MAGI1: variants seen among roughly 807,000 people sequenced by gnomAD.
The protein encoded by MAGI1 is membrane associated guanylate kinase, WW and PDZ domain containing 1.
In MAGI1, 58 loss-of-function variants were observed where a neutral mutation model predicts 139.9. The ratio of observed to expected loss-of-function variants is 0.41; its 90% CI spans 0.34 to 0.52. The LOEUF (loss-of-function observed/expected upper bound fraction) is 0.52. Among genes scored for constraint, MAGI1 ranks in the 20% least tolerant of loss-of-function variants. MAGI1 has a pLI of 0.12. For synonymous variants in MAGI1, 812 were observed against 737.9 expected (o/e 1.10, Z -1.63); for missense variants, 1,874 against 1,901.6 (o/e 0.99, Z 0.27).
In MAGI1 at chr3:65,470,445, G is replaced by C; in HGVS notation, c.797C>G (p.Thr266Arg). Residue 266 changes from threonine to arginine, a missense_variant, in exon 5 of 23, where the codon ACA becomes AGA. Transcript: ENST00000402939. The stretch of plus-strand genomic sequence containing the variant: ...GCTACTATTCACAGGTGGTAATGCT[G>C]TTTCTTGGAGAGTGTGCTCCTCTTG... ...GEQEEHTLQE[T>R]ALPPVNSSII... is the part of the protein sequence containing the mutation. 6.2e-7 allele frequency: 1 copy of C among 1,612,800 alleles called. No individual in the cohort carries two copies. Among genetic ancestry groups the C allele is most frequent in the Non-Finnish European group, 8.5e-7 (1 of 1,179,754 alleles).
Position 65,696,993 on chromosome 3 carries a change from G to T in MAGI1, c.314-74905C>A, listed in dbSNP as rs570573554. Among the ~76,000 whole-genome samples, 5 of 152,176 alleles carry T rather than the reference G, an allele frequency of 3.3e-5. No individual in the cohort carries two copies. The East Asian group carries it at 9.7e-4, about 29-fold the overall frequency. ...GACCGCTAGCAAGACTAATAAAGAA[G>T]AAAAGAGAGAAGAATCAAATAGACA... On this transcript the variant is annotated intron_variant, in intron 1 of 22. Coordinates refer to ENST00000402939, the MANE Select transcript of MAGI1 (RefSeq NM_001033057.2).
chr3:65,972,523 A>G (rs1479124078), intron 1 of MAGI1, among the ~76,000 whole-genome samples: 1 of 152,190 alleles, frequency 6.6e-6, no homozygotes, highest in Non-Finnish European at 1.5e-5. Flanking sequence ...TCTGGGCAGT[A>G]GGCACTATAT....
intron 1 of MAGI1, among the ~76,000 whole-genome samples, chr3:65,721,619 T>G (rs1282477791): frequency 1.3e-5 from 2 of 152,164 alleles, no homozygotes; most frequent in Non-Finnish European, 2.9e-5. Context: ...TCATAATCCC[T>G]TGAGGCAAAT....
intron 2 of MAGI1, among the ~76,000 whole-genome samples, chr3:65,601,524 A>G (rs2082481378): frequency 1.3e-5 from 2 of 152,184 alleles, no homozygotes; most frequent in Admixed American, 1.3e-4. Context: ...AAATGAAATA[A>G]ATTAAAAAAC....
chr3:65,470,523 G>GAGAA, intron 4 of MAGI1, 39 bp from the exon 5 acceptor site: 5 of 933,336 alleles, frequency 5.4e-6, no homozygotes, highest in African/African-American at 3.5e-5. Flanking sequence ...GAGAGAGAGA[G>GAGAA]AAAAAAAAAA....
intron 2 of MAGI1, among the ~76,000 whole-genome samples, chr3:65,595,947 T>C (rs1304902644): frequency 6.6e-6 from 1 of 152,140 alleles, no homozygotes; most frequent in African/African-American, 2.4e-5. Context: ...TTCTGTTTGC[T>C]CAGTTGAGAA....
intron 12 of MAGI1, among the ~76,000 whole-genome samples, chr3:65,422,034 A>C (rs1312630898): frequency 1.3e-5 from 2 of 152,218 alleles, no homozygotes; most frequent in Non-Finnish European, 2.9e-5. Context: ...AAAGGGTAAA[A>C]TAAAGGATAT....
intron 1 of MAGI1, among the ~76,000 whole-genome samples, chr3:65,751,176 T>C (rs2036117279): frequency 1.3e-5 from 2 of 152,214 alleles, no homozygotes; most frequent in Admixed American, 6.5e-5. Flanking sequence ...TAGTCCTGCA[T>C]TCAAAAGATG....
chr3:65,617,268 C>T (rs570490792), intron 2 of MAGI1, among the ~76,000 whole-genome samples: 12 of 152,238 alleles, frequency 7.9e-5, no homozygotes, highest in Middle Eastern at 3.4e-3. Flanking sequence ...TTTTAGGTGA[C>T]CTTTGCTTGA....
chr3:65,404,786 G>A (rs879394957), intron 12 of MAGI1, among the ~76,000 whole-genome samples: 7 of 152,320 alleles, frequency 4.6e-5, no homozygotes, highest in Admixed American at 2.0e-4. Context: ...AGGAGATAGC[G>A]AGTATGTAAC....
chr3:65,739,108 T>C (rs1376802282), intron 1 of MAGI1, among the ~76,000 whole-genome samples: 2 of 152,234 alleles, frequency 1.3e-5, no homozygotes, highest in Non-Finnish European at 2.9e-5. Flanking sequence ...AATCTGTTGT[T>C]TAGTATAGCC....
At chr3:65,879,728 G>A (rs973027663) in intron 1 of MAGI1, among the ~76,000 whole-genome samples, 2 of 152,170 alleles carry the variant, frequency 1.3e-5, no homozygotes, top group African/African-American at 4.8e-5. Flanking sequence ...GAGCAAAATG[G>A]TAGCATTATC....
intron 1 of MAGI1, among the ~76,000 whole-genome samples, chr3:65,997,181 C>A (rs147726902): frequency 3.3e-4 from 50 of 152,244 alleles, no homozygotes; most frequent in Non-Finnish European, 6.9e-4. Flanking sequence ...TGGAAGTGGT[C>A]TGGCAGCACC....
chr3:65,972,141 A>C (rs1022355264), intron 1 of MAGI1, among the ~76,000 whole-genome samples: 1 of 152,226 alleles, frequency 6.6e-6, no homozygotes, highest in Non-Finnish European at 1.5e-5. Flanking sequence ...AGCAGTTCTT[A>C]TCTCTCATTT....
intron 2 of MAGI1, among the ~76,000 whole-genome samples, chr3:65,619,405 C>T (rs2083551291): frequency 6.6e-6 from 1 of 152,130 alleles, no homozygotes; most frequent in Admixed American, 6.6e-5. Flanking sequence ...AGCTTTATTT[C>T]TTCATTTCCA....
rs1010316575 is a variant in MAGI1, at chr3:65,821,000, T to A, written c.314-198912A>T. Among the ~76,000 whole-genome samples, 6 of 152,092 alleles carry A rather than the reference T, an allele frequency of 3.9e-5. No individual in the cohort carries two copies. The East Asian group carries it at 1.2e-3, about 29-fold the overall frequency. ...GATGTTATTCTCTATTTGCCCAATC[T>A]TGGGCCACATGCTGACCCCAGGAGC... On this transcript the variant is annotated intron_variant, in intron 1 of 22. Transcript: ENST00000402939.
intron 12 of MAGI1, among the ~76,000 whole-genome samples, chr3:65,417,651 C>A (rs531856747): frequency 3.3e-5 from 5 of 151,894 alleles, no homozygotes; most frequent in African/African-American, 9.7e-5. Flanking sequence ...TGTATGATAT[C>A]ATTGCCTTTC....
intron 2 of MAGI1, among the ~76,000 whole-genome samples, chr3:65,545,626 G>GC (rs1219308699): frequency 6.6e-6 from 1 of 152,076 alleles, no homozygotes; most frequent in African/African-American, 2.4e-5. Context: ...TCATTCTTAA[G>GC]CATCTACAGA....
intron 5 of MAGI1, among the ~76,000 whole-genome samples, chr3:65,460,353 T>A (rs571007681): frequency 1.3e-5 from 2 of 152,332 alleles, no homozygotes; most frequent in Non-Finnish European, 2.9e-5. Context: ...AATATTAGCT[T>A]CATAAAAATA....
Sources: gnomAD v4.1 joint callset for allele counts (sites outside exome capture counted in the v4.1 genomes callset) on GRCh38, gnomAD v4.1.1 for gene constraint, MANE v1.5 for transcripts, NCBI Gene and HGNC (gene_info 2026-07-23, HGNC 2026-07-21) for gene names.